Variants in SLC10A7 observed in about 807,000 individuals in gnomAD.
The protein encoded by SLC10A7 is sodium/bile acid cotransporter 7.
A neutral mutation model predicts 43.2 loss-of-function variants in SLC10A7; 29 were observed. That is an observed-to-expected ratio of 0.67 (90% CI 0.50 to 0.92). The LOEUF is 0.92. SLC10A7 is among the 40% of genes least tolerant of loss of function. The probability of loss-of-function intolerance (pLI) is 0.00; values close to 1 mark genes in which losing one functional copy is unlikely to be tolerated. For synonymous variants in SLC10A7, 152 were observed against 144.8 expected (o/e 1.05, Z -0.35); for missense variants, 295 against 403.2 (o/e 0.73, Z 2.30).
At chr4:146,519,102 T>A (rs1355164984) in intron 1 of SLC10A7, among the ~76,000 whole-genome samples, 2 of 30,038 alleles carry the variant, frequency 6.7e-5, no homozygotes, top group Admixed American at 4.0e-4. Flanking sequence ...TATATATATA[T>A]ATATATATAT....
intron 10 of SLC10A7, among the ~76,000 whole-genome samples, chr4:146,274,200 CTTTTTTT>C (rs35963098): frequency 8.4e-6 from 1 of 118,538 alleles, no homozygotes; most frequent in East Asian, 2.4e-4. Context: ...TCAGATTATA[CTTTTTTT>C]TTTTTTTTTT....
chr4:146,514,004 T>C (rs185152877), intron 2 of SLC10A7: 44 of 152,316 alleles, frequency 2.9e-4, no homozygotes, highest in African/African-American at 1.0e-3. Flanking sequence ...CAGAGTCTCA[T>C]TGACAGCATC....
intron 4 of SLC10A7, among the ~76,000 whole-genome samples, chr4:146,487,856 G>T (rs923146933): frequency 6.6e-6 from 1 of 151,746 alleles, no homozygotes; most frequent in Non-Finnish European, 1.5e-5. Flanking sequence ...GAGCCCAGGA[G>T]TTGGAGACCA....
rs188904585 is a variant in SLC10A7, at chr4:146,424,767, C to A, written c.435+18016G>T. ...CTGAAAATGAACTGACTTTCAGGCT[C>A]AGGCATTTCTAGCTACAACATTATA... On this transcript the variant is annotated intron_variant, in intron 5 of 11. Transcript: ENST00000335472. Among the ~76,000 whole-genome samples, 632 of 152,140 alleles carry A rather than the reference C, an allele frequency of 4.2e-3. 3 individuals carry two copies. Among genetic ancestry groups the A allele is most frequent in the African/African-American group, 0.014 (587 of 41,522 alleles).
At chr4:146,494,666 T>C (rs1735735503) in intron 4 of SLC10A7, among the ~76,000 whole-genome samples, 1 of 152,104 alleles carries the variant, frequency 6.6e-6, no homozygotes, top group Admixed American at 6.5e-5. Context: ...CACTCATCTT[T>C]TCTGTGTCAT....
At chr4:146,403,339 T>C (rs1388461216) in intron 5 of SLC10A7, among the ~76,000 whole-genome samples, 1 of 152,176 alleles carries the variant, frequency 6.6e-6, no homozygotes, top group Non-Finnish European at 1.5e-5. Flanking sequence ...TATAAATCCA[T>C]ACTCCATAAC....
At chr4:146,381,385 A>T (rs75369178) in intron 5 of SLC10A7, among the ~76,000 whole-genome samples, 5 of 152,072 alleles carry the variant, frequency 3.3e-5, no homozygotes, top group Non-Finnish European at 7.4e-5. Context: ...CTACTCTAAC[A>T]TTGCCATGCA....
chr4:146,344,190 CTCACGGGAAGCT>C (rs1403225989), intron 5 of SLC10A7, among the ~76,000 whole-genome samples: 2 of 152,004 alleles, frequency 1.3e-5, no homozygotes, highest in African/African-American at 4.8e-5. Context: ...TGACCGGATG[CTCACGGGAAGCT>C]ATGCAGAAAT....
rs1205324860 is a variant in SLC10A7, at chr4:146,503,893, C to T, written c.352G>A (p.Val118Met). 7.4e-6 allele frequency: 12 copies of T among 1,614,194 alleles called. No homozygotes were observed. The highest frequency in any genetic ancestry group is 1.0e-5 in the Non-Finnish European group (12 of 1,180,010). The change falls in exon 4 of 12, where the codon GTG (valine) becomes ATG (methionine). Residue 118 changes from valine to methionine, a missense_variant. Around this residue, in one of 2 missense-constraint regions of SLC10A7, gnomAD observed 242 missense variants for 362.5 expected, o/e 0.67. Transcript: ENST00000335472. ...LQTVGCMPPP[V>M]SSAVILTKAV... ...TTGGTTAAAATCACTGCAGAAGACACAGGCGGAGGCATGCAACCTACTGTC... is the reference window on the plus strand; with the variant it reads ...TTGGTTAAAATCACTGCAGAAGACATAGGCGGAGGCATGCAACCTACTGTC...
chr4:146,318,532 T>C (rs557547626), intron 6 of SLC10A7, among the ~76,000 whole-genome samples: 5 of 152,206 alleles, frequency 3.3e-5, no homozygotes, highest in African/African-American at 1.2e-4. Context: ...ACTATTGCAG[T>C]GTCCTAGCAC....
In SLC10A7 at chr4:146,479,488, AT is replaced by A. The variant is rs1166797932; in HGVS notation, c.396+24360del. 2.6e-5 allele frequency among the ~76,000 whole-genome samples: 4 copies of A among 152,196 alleles called. No individual in the cohort carries two copies. In the East Asian group the frequency reaches 7.7e-4, roughly 29 times the overall value. ...TAATTTCCCAAGTAAATACAAAAGA[AT>A]TGTGTTACAATGGAATAAGCCAGTT... On this transcript the variant is annotated intron_variant, in intron 4 of 11. Coordinates refer to ENST00000335472, the MANE Select transcript of SLC10A7 (RefSeq NM_001029998.6).
intron 11 of SLC10A7, 93 bp downstream of exon 11, chr4:146,258,599 T>C (rs1435744531): frequency 3.2e-6 from 4 of 1,252,996 alleles, no homozygotes; most frequent in East Asian, 2.7e-5. Flanking sequence ...AACAAAGATA[T>C]GCAAGCAAAA....
chr4:146,331,717 T>TA (rs889711839), intron 5 of SLC10A7, among the ~76,000 whole-genome samples: 1 of 152,034 alleles, frequency 6.6e-6, no homozygotes, highest in Admixed American at 6.6e-5. Flanking sequence ...AATATCATTT[T>TA]AAAAAAAAGA....
chr4:146,297,796 A>G (rs1730886703), intron 7 of SLC10A7, among the ~76,000 whole-genome samples: 1 of 152,190 alleles, frequency 6.6e-6, no homozygotes, highest in Non-Finnish European at 1.5e-5. Context: ...TCAAAATAAA[A>G]CACTTGGCAA....
At chr4:146,516,487 TACAC>T (rs1738001446) in intron 2 of SLC10A7, among the ~76,000 whole-genome samples, 1 of 146,984 alleles carries the variant, frequency 6.8e-6, no homozygotes, top group Non-Finnish European at 1.5e-5. Flanking sequence ...TGTATATATA[TACAC>T]ATATACATAT....
At chr4:146,433,535 C>G (rs911805468) in intron 5 of SLC10A7, among the ~76,000 whole-genome samples, 19 of 151,954 alleles carry the variant, frequency 1.3e-4, no homozygotes, top group African/African-American at 4.1e-4. Flanking sequence ...TTGATGAGGA[C>G]AGAGGGAAAT....
chr4:146,259,993 A>T (rs1728121368), intron 10 of SLC10A7, among the ~76,000 whole-genome samples: 2 of 152,230 alleles, frequency 1.3e-5, no homozygotes. Context: ...AGCTTTTTCA[A>T]TTATTTTTAC....
chr4:146,502,625 A>G (rs1736528235), intron 4 of SLC10A7, among the ~76,000 whole-genome samples: 1 of 152,206 alleles, frequency 6.6e-6, no homozygotes, highest in South Asian at 2.1e-4. Context: ...TCCATCAACA[A>G]GTGAATGGAT....
In SLC10A7 at chr4:146,279,211, A is replaced by G. The variant is rs546657688; in HGVS notation, c.847+3981T>C. On this transcript the variant is annotated intron_variant, in intron 10 of 11. Transcript: ENST00000335472. ...TGCTTTCAGTTTGCTATTTAAAAAC[A>G]TTAAAAACTAACACAAACATGCTTA... Among the ~76,000 whole-genome samples, 28 of 152,366 alleles carry G rather than the reference A, an allele frequency of 1.8e-4. No individual in the cohort carries two copies. The South Asian group carries it at 5.8e-3, about 32-fold the overall frequency.
Sources: allele counts gnomAD v4.1 joint callset (sites outside exome capture counted in the v4.1 genomes callset), GRCh38; gene constraint gnomAD v4.1.1; regional missense constraint gnomAD v4.1.1; transcripts MANE v1.5; gene names NCBI Gene and HGNC (gene_info 2026-07-23, HGNC 2026-07-21).